SUMF2: variants seen among roughly 807,000 people sequenced by gnomAD.
The protein encoded by SUMF2 is sulfatase modifying factor 2.
Under a neutral mutation model 44.8 loss-of-function variants are expected in SUMF2, and 45 were observed. That is an observed-to-expected ratio of 1.00 (90% CI 0.79 to 1.29). SUMF2 has a LOEUF of 1.29. Among genes scored for constraint, SUMF2 ranks in the 50% most tolerant of loss-of-function variants. The pLI, the probability that SUMF2 is intolerant of heterozygous loss-of-function variation, is 0.00. For missense variants in SUMF2, 418 were observed against 389.9 expected (o/e 1.07, Z -0.61); for synonymous variants, 148 against 150.4 (o/e 0.98, Z 0.12).
downstream of SUMF2, chr7:56,081,382 G>A (rs771556980): frequency 1.1e-5 from 17 of 1,490,470 alleles, no homozygotes; most frequent in East Asian, 1.4e-4. The surrounding 1 kb of genome is among the most constrained non-coding windows in gnomAD (Gnocchi z 4.6). Flanking sequence ...CTCTGGGCTC[G>A]TTTGCCACGA....
At chr7:56,087,116 G>A in the SUMF2 span, 1 of 916,944 alleles carries the variant, frequency 1.1e-6, no homozygotes, top group East Asian at 2.4e-5. Flanking sequence ...GGCTGCTGTG[G>A]GCTAACTTCA....
intron 2 of SUMF2, among the ~76,000 whole-genome samples, chr7:56,069,612 AT>A (rs958431578): frequency 6.6e-6 from 1 of 151,748 alleles, no homozygotes; most frequent in Non-Finnish European, 1.5e-5. Context: ...TATTGTTATT[AT>A]TTTTTTGAGA....
chr7:56,073,392 C>T, intron 3 of SUMF2: 1 of 432,702 alleles, frequency 2.3e-6, no homozygotes, highest in Admixed American at 3.3e-5. Flanking sequence ...GTGTCTCATG[C>T]CTATAATCTC....
At chr7:56,075,906 A>C (rs186898910) in intron 5 of SUMF2, among the ~76,000 whole-genome samples, 27 of 151,920 alleles carry the variant, frequency 1.8e-4, no homozygotes, top group Non-Finnish European at 2.9e-4. Context: ...CTGTCGCCCA[A>C]GGCTGGAGTA....
chr7:56,072,993 A>G lies in SUMF2; in HGVS notation c.225-4A>G, dbSNP rs768079022. On this transcript the variant is annotated splice_polypyrimidine_tract_variant and splice_region_variant and intron_variant, in intron 2 of 8. Coordinates refer to ENST00000434526, the MANE Select transcript of SUMF2 (RefSeq NM_015411.4). ...GCTGAACCAGCTGAACTATGTCTTTATAGGGATTTTGTCAGGGAGAAAAAG... is the reference window on the plus strand; with the variant it reads ...GCTGAACCAGCTGAACTATGTCTTTGTAGGGATTTTGTCAGGGAGAAAAAG... 4.2e-5 allele frequency: 67 copies of G among 1,612,268 alleles called. No individual in the cohort carries two copies. The highest frequency in any genetic ancestry group is 5.4e-5 in the Non-Finnish European group (64 of 1,178,516).
intron 3 of SUMF2, 49 bp from the exon 4 acceptor site, chr7:56,074,125 C>A: frequency 1.3e-6 from 2 of 1,587,950 alleles, no homozygotes; most frequent in Admixed American, 1.7e-5. Flanking sequence ...CGGGGAGGTG[C>A]CTTTGCTGGG....
At position 56,066,230 on chromosome 7, in the gene SUMF2, G is replaced by T. The variant is rs527418797; in HGVS notation, c.67+1852G>T. Among the ~76,000 whole-genome samples the T allele has an allele frequency of 1.1e-4, 16 of 152,204 alleles. 1 individual carries two copies. The highest frequency in any genetic ancestry group is 8.3e-4 in the South Asian group (4 of 4,822). On this transcript the variant is annotated intron_variant, in intron 1 of 8. Coordinates refer to ENST00000434526, the MANE Select transcript of SUMF2 (RefSeq NM_015411.4). Reference sequence around the variant, plus strand: ...CATCAAAAGACAAGGACTCTGCCTTGAAAGAAGTTGTAGTGCTTAGACATC... The same window carrying T: ...CATCAAAAGACAAGGACTCTGCCTTTAAAGAAGTTGTAGTGCTTAGACATC...
chr7:56,074,408 T>TC (rs1795393075), intron 4 of SUMF2, 178 bp from the exon 5 acceptor site: 4 of 1,003,120 alleles, frequency 4.0e-6, no homozygotes, highest in Admixed American at 5.4e-5. Flanking sequence ...CATCCATTTC[T>TC]CCCTTCAGCC....
downstream of SUMF2, chr7:56,081,409 T>C: frequency 7.2e-7 from 1 of 1,395,018 alleles, no homozygotes; most frequent in Non-Finnish European, 9.6e-7. The surrounding 1 kb of genome is among the most constrained non-coding windows in gnomAD (Gnocchi z 4.6). Context: ...GGGTGGCTTC[T>C]GCGGGGCCTT....
At chr7:56,086,721 C>T in the SUMF2 span, among the ~76,000 whole-genome samples, 1 of 152,252 alleles carries the variant, frequency 6.6e-6, no homozygotes, top group South Asian at 2.1e-4. Context: ...AGTCACTGTG[C>T]TATTATCACT....
In SUMF2 at chr7:56,079,817, T is replaced by A. The variant is rs183275935; in HGVS notation, c.*205T>A. 1.2e-4 allele frequency: 186 copies of A among 1,552,350 alleles called. No individual in the cohort carries two copies. The East Asian group carries it at 4.0e-3, about 34-fold the overall frequency. On this transcript the variant is annotated 3_prime_UTR_variant, in exon 9 of 9. Coordinates refer to ENST00000434526, the MANE Select transcript of SUMF2 (RefSeq NM_015411.4). ...TGTGTTTTGGAGAAGGGGCCCAATG[T>A]GTGTTGACGATGGCTGGGGGCCAGG...
downstream of SUMF2, chr7:56,082,000 G>A (rs780847047): frequency 1.2e-6 from 2 of 1,613,816 alleles, no homozygotes; most frequent in East Asian, 4.5e-5. The surrounding 1 kb of genome is among the most constrained non-coding windows in gnomAD (Gnocchi z 4.6). Context: ...TGCCAGAAGG[G>A]CGGGGAGCCG....
Position 56,073,026 on chromosome 7 carries a change from CA to C in SUMF2, c.255del (p.Glu86LysfsTer19). 2 of 1,614,100 alleles carry C rather than the reference CA, an allele frequency of 1.2e-6. No individual in the cohort carries two copies. The highest frequency in any genetic ancestry group is 1.7e-6 in the Non-Finnish European group (2 of 1,179,996). On this transcript the variant is annotated frameshift_variant, in exon 3 of 9. Transcript: ENST00000434526. LOFTEE classifies it high-confidence loss of function. The stretch of plus-strand genomic sequence containing the variant: ...TTTGTCAGGGAGAAAAAGTATCGGA[CA>C]GAAGCTGAGATGTTTGGATGGAGCT... ...RDFVREKKYR[T>X]EAEMFGWSFV...
downstream of SUMF2, chr7:56,084,276 T>G: frequency 7.7e-7 from 1 of 1,299,674 alleles, no homozygotes; most frequent in Non-Finnish European, 1.1e-6. Context: ...CTGGGATGTA[T>G]CGGGGCCTAA....
In SUMF2 at chr7:56,074,232, C is replaced by G; in HGVS notation, c.384+14C>G. On this transcript the variant is annotated intron_variant, in intron 4 of 8. Coordinates refer to ENST00000434526, the MANE Select transcript of SUMF2 (RefSeq NM_015411.4). ...TTTTGGAGGCAGGTAAGGGCTGATT[C>G]CGCTACCTCATTTTCTACCCCTGCT... 6.2e-7 allele frequency: 1 copy of G among 1,612,990 alleles called. No homozygotes were observed. Among genetic ancestry groups the G allele is most frequent in the Non-Finnish European group, 8.5e-7 (1 of 1,179,224 alleles).
chr7:56,080,858 A>C, downstream of SUMF2: 1 of 634,382 alleles, frequency 1.6e-6, no homozygotes, highest in Non-Finnish European at 2.7e-6. Flanking sequence ...GCCTGCAGGT[A>C]TTGCTGTGTG....
chr7:56,066,018 TTGCAGTTTTCCGAGATCGGGCCAC>T, intron 1 of SUMF2, among the ~76,000 whole-genome samples: 1 of 140,084 alleles, frequency 7.1e-6, no homozygotes, highest in Non-Finnish European at 1.5e-5. Flanking sequence ...GAGGCGGAGG[TTGCAGTTTTCCGAGATCGGGCCAC>T]TGCACTCTGA....
chr7:56,065,264 A>G (rs34154824), intron 1 of SUMF2, among the ~76,000 whole-genome samples: 2,712 of 150,828 alleles, frequency 0.018, 53 homozygotes, highest in Admixed American at 0.048. Flanking sequence ...GTACTCGGCC[A>G]GCTTAAATAG....
intron 1 of SUMF2, among the ~76,000 whole-genome samples, chr7:56,065,036 CA>C (rs1306700901): frequency 1.3e-5 from 2 of 149,360 alleles, no homozygotes; most frequent in Non-Finnish European, 3.0e-5. Flanking sequence ...ACTAAAAATT[CA>C]AAAAATTAGC....
Sources: allele counts gnomAD v4.1 joint callset (sites outside exome capture counted in the v4.1 genomes callset), GRCh38; gene constraint gnomAD v4.1.1; non-coding constraint Gnocchi (gnomAD v3.1); transcripts MANE v1.5; gene names NCBI Gene and HGNC (gene_info 2026-07-23, HGNC 2026-07-21).